The following SNCG variants were observed in gnomAD, a reference collection of about 807,000 sequenced individuals.
The protein encoded by SNCG is synuclein gamma, also known as gamma-synuclein.
SNCG carries 13 observed loss-of-function variants against 16.0 expected under a neutral mutation model. The observed-to-expected ratio is 0.81, with a 90% CI of 0.53 to 1.29. The LOEUF (loss-of-function observed/expected upper bound fraction) is 1.29. Among genes scored for constraint, SNCG ranks in the 50% most tolerant of loss-of-function variants. The pLI, the probability that SNCG is intolerant of heterozygous loss-of-function variation, is 0.00. For synonymous variants in SNCG, 66 were observed against 66.3 expected (o/e 1.00, Z 0.02); for missense variants, 154 against 168.5 (o/e 0.91, Z 0.48).
chr10:86,963,108 C>T lies in SNCG; in HGVS notation c.*123C>T, dbSNP rs10232. On this transcript the variant is annotated 3_prime_UTR_variant, in exon 5 of 5. Transcript: ENST00000372017. ...GCTGCCCACGCTCCTGCCCTCGTCTCCCTGGCCACCCTTGGCCTGTCCACC... is the reference window on the plus strand; with the variant it reads ...GCTGCCCACGCTCCTGCCCTCGTCTTCCTGGCCACCCTTGGCCTGTCCACC... The T allele has an allele frequency of 0.044, 43,394 of 991,588 alleles. 1,149 individuals carry two copies. The highest frequency in any genetic ancestry group is 0.052 in the Non-Finnish European group (35,524 of 682,646). The allele number at this position is 991,588 out of a possible 1,614,324, so 61.4% of individuals were successfully genotyped here.
upstream of SNCG, among the ~76,000 whole-genome samples, chr10:86,956,188 C>T (rs1264682328): frequency 6.6e-6 from 1 of 150,972 alleles, no homozygotes; most frequent in African/African-American, 2.4e-5. Flanking sequence ...ATCACCTGCA[C>T]CTCCCAGCCC....
upstream of SNCG, chr10:86,958,564 T>A: frequency 8.0e-7 from 1 of 1,245,748 alleles, no homozygotes; most frequent in South Asian, 1.4e-5. Context: ...GGCCTCCGCA[T>A]CAATATTTCA....
chr10:86,957,842 G>C (rs1393784807), upstream of SNCG: 8 of 1,173,938 alleles, frequency 6.8e-6, no homozygotes, highest in East Asian at 4.9e-5. Context: ...ATGGGAACCT[G>C]CTCCCTGGGA....
rs185270173 is a variant in SNCG at position 86,962,789 on chromosome 10, C to T, written c.363+114C>T. ...CCAGGGCCCAGAGGGGCCTCCTGAC[C>T]TTCCACAGCCCCTACAGGGACTGTG... On this transcript the variant is annotated intron_variant, in intron 4 of 4. Transcript: ENST00000372017. 433 of 1,134,440 alleles carry T rather than the reference C, an allele frequency of 3.8e-4. 1 individual carries two copies. The highest frequency in any genetic ancestry group is 5.0e-4 in the Non-Finnish European group (397 of 790,666). The allele number at this position is 1,134,440 out of a possible 1,614,324, so 70.3% of individuals were successfully genotyped here.
At chr10:86,957,346 C>T, upstream of SNCG, 1 of 1,610,572 alleles carries the variant, frequency 6.2e-7, no homozygotes, top group Non-Finnish European at 8.5e-7. Context: ...GATCCTACTC[C>T]ATGACCTCTG....
upstream of SNCG, among the ~76,000 whole-genome samples, chr10:86,957,112 A>T (rs143582096): frequency 1.7e-3 from 262 of 152,322 alleles, no homozygotes; most frequent in African/African-American, 5.7e-3. Flanking sequence ...ATGCTGGGTG[A>T]TTGATGGTAG....
upstream of SNCG, chr10:86,957,879 G>A (rs1185598391): frequency 9.0e-7 from 1 of 1,105,548 alleles, no homozygotes; most frequent in Non-Finnish European, 1.1e-6. Flanking sequence ...GGACTTCGAG[G>A]TGGGGCCACA....
chr10:86,958,499 C>A (rs1473166020), upstream of SNCG: 2 of 1,111,546 alleles, frequency 1.8e-6, no homozygotes, highest in East Asian at 1.4e-4. Flanking sequence ...AACCTCCTTC[C>A]CTCCCTCCCT....
chr10:86,957,516 A>G, upstream of SNCG: 2 of 1,612,080 alleles, frequency 1.2e-6, no homozygotes, highest in Non-Finnish European at 8.5e-7. Flanking sequence ...GGGGCCCCCA[A>G]GGCTGAACAG....
At position 86,960,129 on chromosome 10, in the gene SNCG, G is replaced by C; in HGVS notation, c.291+1G>C. 1 of 1,611,064 alleles carries C rather than the reference G, an allele frequency of 6.2e-7. No individual in the cohort carries two copies. Among genetic ancestry groups the C allele is most frequent in the Non-Finnish European group, 8.5e-7 (1 of 1,178,354 alleles). On this transcript the variant is annotated splice_donor_variant, in intron 3 of 4. Coordinates refer to ENST00000372017, the MANE Select transcript of SNCG (RefSeq NM_003087.3). LOFTEE classifies it high-confidence loss of function. ...GGTCACCTCCGGGGTGGTGCGCAAG[G>C]TGAGCCCCGGCCCTCAGACCTGCCC...
chr10:86,958,775 G>A lies in SNCG; in HGVS notation c.78G>A (p.Val26=). The A allele has an allele frequency of 6.2e-7, 1 of 1,613,408 alleles. No homozygotes were observed. The highest frequency in any genetic ancestry group is 2.2e-5 in the East Asian group (1 of 44,872). Residue 26 remains valine (V), a synonymous_variant, in exon 1 of 5, where the codon GTG becomes GTA. Transcript: ENST00000372017. Reference sequence around the variant, plus strand: ...CGGTGGAAAAGACCAAGCAGGGGGTGACGGAAGCAGCTGAGAAGACCAAGG... The same window carrying A: ...CGGTGGAAAAGACCAAGCAGGGGGTAACGGAAGCAGCTGAGAAGACCAAGG... ...VGAVEKTKQG[V]TEAAEKTKEG... is the part of the protein sequence containing the mutation.
upstream of SNCG, among the ~76,000 whole-genome samples, chr10:86,956,610 T>C (rs1222836479): frequency 6.6e-6 from 1 of 152,226 alleles, no homozygotes; most frequent in African/African-American, 2.4e-5. Flanking sequence ...CTGTGTGGCC[T>C]TGGGCAAGCC....
At chr10:86,960,279 G>A (rs1844320722) in intron 3 of SNCG, 151 bp downstream of exon 3, 1 of 751,876 alleles carries the variant, frequency 1.3e-6, no homozygotes, top group Non-Finnish European at 2.1e-6. Context: ...GCCGGCATGG[G>A]GTGGGGTCCA....
At chr10:86,962,169 G>A (rs764360204) in intron 3 of SNCG, among the ~76,000 whole-genome samples, 4 of 152,204 alleles carry the variant, frequency 2.6e-5, no homozygotes, top group Middle Eastern at 3.2e-3. Flanking sequence ...AAGGCCCTGA[G>A]CTGCATGCCA....
chr10:86,957,826 A>C, upstream of SNCG: 1 of 1,208,978 alleles, frequency 8.3e-7, no homozygotes, highest in Non-Finnish European at 1.0e-6. Flanking sequence ...CACCAAATGC[A>C]TCCTTATGGG....
rs146604012 is a variant in SNCG at position 86,959,223 on chromosome 10, G to A, written c.121+405G>A. 1.5e-3 allele frequency among the ~76,000 whole-genome samples: 236 copies of A among 152,274 alleles called. No individual in the cohort carries two copies. In the Middle Eastern group the frequency reaches 0.02, roughly 13 times the overall value. The stretch of plus-strand genomic sequence containing the variant: ...CTCCCTCCCCAGAGAGAAGGGGCAG[G>A]CTGGGGGATGAAACCTAGGCTCAGT... On this transcript the variant is annotated intron_variant, in intron 1 of 4. Coordinates refer to ENST00000372017, the MANE Select transcript of SNCG (RefSeq NM_003087.3). This position sits in a 1 kb window ranked among gnomAD's most constrained non-coding sequence, Gnocchi z 4.3.
chr10:86,962,908 G>A, intron 4 of SNCG, 57 bp from the exon 5 acceptor site: 4 of 1,569,390 alleles, frequency 2.5e-6, no homozygotes, highest in Non-Finnish European at 3.5e-6. Flanking sequence ...GCCCACTCAG[G>A]GTGGCCCATT....
At chr10:86,960,213 C>T (rs1212880403) in intron 3 of SNCG, 85 bp downstream of exon 3, 12 of 1,328,378 alleles carry the variant, frequency 9.0e-6, no homozygotes, top group Non-Finnish European at 1.0e-5. Context: ...CCACTCCACA[C>T]CCCAGGAAAC....
At chr10:86,957,437 G>T, upstream of SNCG, 1 of 1,613,826 alleles carries the variant, frequency 6.2e-7, no homozygotes, top group Non-Finnish European at 8.5e-7. Flanking sequence ...CAGGTGTCCT[G>T]GAGCTCTGCA....
Sources: allele counts gnomAD v4.1 joint callset (sites outside exome capture counted in the v4.1 genomes callset), GRCh38; gene constraint gnomAD v4.1.1; non-coding constraint Gnocchi (gnomAD v3.1); transcripts MANE v1.5; gene names NCBI Gene and HGNC (gene_info 2026-07-23, HGNC 2026-07-21).